The following CNOT2 variants were observed in gnomAD, a reference collection of about 807,000 sequenced individuals.
The protein encoded by CNOT2 is CC chemokine receptor 4-negative regulator of transcription 2.
A neutral mutation model predicts 72.1 loss-of-function variants in CNOT2; 7 were observed. The ratio of observed to expected loss-of-function variants is 0.10; its 90% confidence interval spans 0.06 to 0.18. CNOT2 has a LOEUF of 0.18. CNOT2 is among the 10% of genes least tolerant of loss of function. The pLI, the probability that CNOT2 is intolerant of heterozygous loss-of-function variation, is 1.00. For missense variants in CNOT2, 345 were observed against 660.3 expected (o/e 0.52, Z 5.23); for synonymous variants, 196 against 225.6 (o/e 0.87, Z 1.17).
chr12:70,270,864 A>G (rs1160056847), intron 1 of CNOT2, among the ~76,000 whole-genome samples: 1 of 152,230 alleles, frequency 6.6e-6, no homozygotes, highest in Non-Finnish European at 1.5e-5. Context: ...ATATGAGCAC[A>G]GAAAGATAGA....
At chr12:70,325,327 G>T (rs1878919880) in intron 4 of CNOT2, among the ~76,000 whole-genome samples, 1 of 151,692 alleles carries the variant, frequency 6.6e-6, no homozygotes, top group South Asian at 2.1e-4. Flanking sequence ...GAAACACCTG[G>T]GGAATTTTTA....
intron 7 of CNOT2, 130 bp from the exon 8 acceptor site, chr12:70,335,308 C>A: frequency 3.0e-6 from 2 of 657,364 alleles, no homozygotes; most frequent in Non-Finnish European, 5.3e-6. Flanking sequence ...CACCTACATA[C>A]ACCTAGTACA....
chr12:70,329,674 G>T (rs992577525), intron 5 of CNOT2, 104 bp downstream of exon 5: 11 of 810,764 alleles, frequency 1.4e-5, no homozygotes, highest in Non-Finnish European at 2.1e-5. Context: ...TTCTGGTTCA[G>T]TGCCTTTCAC....
At chr12:70,287,970 T>C (rs1593131485) in intron 2 of CNOT2, among the ~76,000 whole-genome samples, 1 of 149,692 alleles carries the variant, frequency 6.7e-6, no homozygotes, top group South Asian at 2.2e-4. Context: ...AAATAAAATA[T>C]TAGCTTGAGG....
At chr12:70,353,742 T>A (rs1883158295) in intron 15 of CNOT2, 87 bp from the exon 16 acceptor site, 1 of 1,545,194 alleles carries the variant, frequency 6.5e-7, no homozygotes, top group Non-Finnish European at 8.7e-7. Flanking sequence ...ATATTGGGTA[T>A]TTTATTTATT....
Position 70,263,740 on chromosome 12 carries a change from A to G in CNOT2, c.-95-14392A>G, listed in dbSNP as rs150111731. Among the ~76,000 whole-genome samples, 320 of 152,206 alleles carry G rather than the reference A, an allele frequency of 2.1e-3. 4 individuals carry two copies. Among genetic ancestry groups the G allele is most frequent in the African/African-American group, 6.4e-3 (267 of 41,524 alleles). On this transcript the variant is annotated intron_variant, in intron 1 of 15. Coordinates refer to ENST00000229195, the MANE Select transcript of CNOT2 (RefSeq NM_014515.7). The stretch of plus-strand genomic sequence containing the variant: ...TTCACCCTGTGTATGAATTACTTCT[A>G]TTTATTTGCATGTCATAATTTGTGG...
intron 2 of CNOT2, among the ~76,000 whole-genome samples, chr12:70,304,928 G>T (rs922380593): frequency 2.8e-4 from 43 of 152,226 alleles, no homozygotes; most frequent in Admixed American, 2.8e-3. Flanking sequence ...TCAGACTGCT[G>T]TGCTAGCAAT....
At chr12:70,294,007 G>A in intron 2 of CNOT2, 1 of 660,884 alleles carries the variant, frequency 1.5e-6, no homozygotes, top group Non-Finnish European at 2.4e-6. Context: ...GAGGTGAACA[G>A]GGAGTCATAA....
At chr12:70,301,454 C>T (rs1873954156) in intron 2 of CNOT2, among the ~76,000 whole-genome samples, 1 of 150,478 alleles carries the variant, frequency 6.6e-6, no homozygotes, top group Non-Finnish European at 1.5e-5. Flanking sequence ...TTGTCAAAGG[C>T]CTTTTCTGCA....
chr12:70,341,999 T>G, intron 11 of CNOT2, 108 bp from the exon 12 acceptor site: 1 of 778,138 alleles, frequency 1.3e-6, no homozygotes, highest in Non-Finnish European at 2.3e-6. Context: ...GTAAGGGAAT[T>G]AGAAGTAAAG....
At chr12:70,273,942 T>G (rs1868356431) in intron 1 of CNOT2, among the ~76,000 whole-genome samples, 1 of 152,046 alleles carries the variant, frequency 6.6e-6, no homozygotes, top group South Asian at 2.1e-4. Flanking sequence ...AGAGAGCAAA[T>G]TCATTTCAAT....
At chr12:70,267,982 A>G (rs1446818975) in intron 1 of CNOT2, among the ~76,000 whole-genome samples, 10 of 152,230 alleles carry the variant, frequency 6.6e-5, no homozygotes, top group African/African-American at 2.2e-4. Flanking sequence ...CTGGCCCTTT[A>G]CAAAGTATTT....
intron 1 of CNOT2, among the ~76,000 whole-genome samples, chr12:70,254,455 G>C (rs1042218912): frequency 6.6e-6 from 1 of 152,110 alleles, no homozygotes; most frequent in Non-Finnish European, 1.5e-5. Flanking sequence ...ACACTCCTCA[G>C]ACTGGTGCCC....
intron 2 of CNOT2, among the ~76,000 whole-genome samples, chr12:70,301,233 C>T (rs1398531906): frequency 1.3e-5 from 2 of 152,116 alleles, no homozygotes; most frequent in African/African-American, 4.8e-5. Flanking sequence ...GCCTGATTGC[C>T]CTGGCCAGAA....
At chr12:70,330,549 T>C in intron 6 of CNOT2, 80 bp downstream of exon 6, 1 of 930,062 alleles carries the variant, frequency 1.1e-6, no homozygotes, top group Non-Finnish European at 1.6e-6. Flanking sequence ...CACTTTGTTC[T>C]TGAGGTGTGG....
intron 13 of CNOT2, 77 bp downstream of exon 13, chr12:70,342,384 A>G (rs1433042353): frequency 6.6e-7 from 1 of 1,525,074 alleles, no homozygotes. Flanking sequence ...CAGGCAGCAT[A>G]CTATTTTTGA....
chr12:70,294,693 C>G (rs1221743527), intron 2 of CNOT2, among the ~76,000 whole-genome samples: 1 of 152,050 alleles, frequency 6.6e-6, no homozygotes, highest in Non-Finnish European at 1.5e-5. Flanking sequence ...CAGGAGGAGG[C>G]AAGTTTTAGT....
intron 1 of CNOT2, among the ~76,000 whole-genome samples, chr12:70,272,128 ATAAAAT>A (rs967416651): frequency 1.8e-4 from 27 of 152,340 alleles, no homozygotes; most frequent in African/African-American, 5.1e-4. Flanking sequence ...TGATGTTTCC[ATAAAAT>A]TAAAGTTAGT....
intron 15 of CNOT2, among the ~76,000 whole-genome samples, chr12:70,353,030 T>C (rs1260234618): frequency 1.3e-5 from 2 of 151,876 alleles, no homozygotes; most frequent in Non-Finnish European, 2.9e-5. Context: ...AAGTTCATTA[T>C]TTTCCCCAGA....
Sources: allele counts gnomAD v4.1 joint callset (sites outside exome capture counted in the v4.1 genomes callset), GRCh38; gene constraint gnomAD v4.1.1; transcripts MANE v1.5; gene names NCBI Gene and HGNC (gene_info 2026-07-23, HGNC 2026-07-21).